Variants in AHCY observed in about 807,000 individuals in gnomAD.
The protein encoded by AHCY is adenosylhomocysteinase.
In AHCY, 24 loss-of-function variants were observed where a neutral mutation model predicts 45.4. The observed-to-expected ratio is 0.53, with a 90% CI of 0.38 to 0.74. AHCY has a LOEUF of 0.74. Ranked by LOEUF, AHCY falls within the 30% of genes least tolerant of loss-of-function variation. AHCY has a pLI of 0.00. For missense variants in AHCY, 449 were observed against 594.1 expected (o/e 0.76, Z 2.54); for synonymous variants, 245 against 235.1 (o/e 1.04, Z -0.39).
upstream of AHCY, among the ~76,000 whole-genome samples, chr20:34,304,882 T>C (rs2036876551): frequency 2.0e-5 from 3 of 151,744 alleles, no homozygotes; most frequent in Admixed American, 2.0e-4. Context: ...GAGACGGGGT[T>C]TCTCCATATT....
At chr20:34,310,211 G>A (rs551575244) in intron 1 of AHCY, among the ~76,000 whole-genome samples, 26 of 152,106 alleles carry the variant, frequency 1.7e-4, no homozygotes, top group Admixed American at 1.1e-3. Context: ...CTGCCACCAC[G>A]CCCAGCTAAT....
the AHCY span, among the ~76,000 whole-genome samples, chr20:34,256,754 T>C: frequency 6.6e-6 from 1 of 152,208 alleles, no homozygotes; most frequent in Non-Finnish European, 1.5e-5. Context: ...AACATGCCTC[T>C]TGTAACTTGC....
the AHCY span, among the ~76,000 whole-genome samples, chr20:34,244,808 T>G: frequency 6.6e-6 from 1 of 152,306 alleles, no homozygotes; most frequent in African/African-American, 2.4e-5. Context: ...ACCAACAGTA[T>G]GTTATTGTGC....
At chr20:34,246,557 C>T in the AHCY span, 405 of 867,410 alleles carry the variant, frequency 4.7e-4, 1 homozygote, top group Middle Eastern at 6.7e-4. Flanking sequence ...CCTCTGCCTC[C>T]GGGCTCAAGC....
chr20:34,246,012 C>A, the AHCY span: 1 of 1,063,498 alleles, frequency 9.4e-7, no homozygotes, highest in South Asian at 1.3e-5. Context: ...GGCCATTTTT[C>A]TGAATGACAT....
At chr20:34,266,064 G>A in the AHCY span, among the ~76,000 whole-genome samples, 1 of 151,950 alleles carries the variant, frequency 6.6e-6, no homozygotes, top group Non-Finnish European at 1.5e-5. Flanking sequence ...TGTGTTAAAA[G>A]GCATAATGGC....
At position 34,290,422 on chromosome 20, in the gene AHCY, G is replaced by C. The variant is rs376464023; in HGVS notation, c.882C>G (p.Ala294=). Residue 294 remains alanine, a synonymous_variant, in exon 8 of 10, where the codon GCC becomes GCG. Transcript: ENST00000217426. This position sits in a 1 kb window ranked among gnomAD's most constrained non-coding sequence, Gnocchi z 4.5. ...GRHFEQMKDD[A]IVCNIGHFDV... is the part of the protein sequence containing the mutation. ...CAAAGTGTCCAATGTTACACACAAT[G>C]GCATCATCCTTCATCTGCTCAAAGT... 255 of 1,614,208 alleles carry C rather than the reference G, an allele frequency of 1.6e-4. 2 individuals are homozygous for C. In the Middle Eastern group the frequency reaches 2.0e-3, roughly 13 times the overall value.
At position 34,295,093 on chromosome 20, in the gene AHCY, C is replaced by T. The variant is rs2036527659; in HGVS notation, c.219+302G>A. 13 of 481,074 alleles carry T rather than the reference C, an allele frequency of 2.7e-5. No individual in the cohort carries two copies. The Admixed American group carries it at 3.9e-4, about 15-fold the overall frequency. 29.8% of individuals were successfully genotyped at this position (481,074 alleles called of 1,614,324 possible). ...GTGACCCCCGAAGGGCCAAGGCAAGCTGGCCCTTAAGAGACTAAGTAGGAC... is the reference window on the plus strand; with the variant it reads ...GTGACCCCCGAAGGGCCAAGGCAAGTTGGCCCTTAAGAGACTAAGTAGGAC... On this transcript the variant is annotated intron_variant, in intron 2 of 9. Transcript: ENST00000217426.
rs531519805 is a variant in AHCY, at chr20:34,299,625, A to G, written c.28+3618T>C. ...TGAACTTGAGACTCGATGTGATCCAACTGCCTCCACAGCACCTCCACTTGG... is the reference window on the plus strand; with the variant it reads ...TGAACTTGAGACTCGATGTGATCCAGCTGCCTCCACAGCACCTCCACTTGG... On this transcript the variant is annotated intron_variant, in intron 1 of 9. Transcript: ENST00000217426. Among the ~76,000 whole-genome samples, 4 of 152,304 alleles carry G rather than the reference A, an allele frequency of 2.6e-5. No homozygotes were observed. In the South Asian group the frequency reaches 8.3e-4, roughly 32 times the overall value.
chr20:34,244,436 C>A, the AHCY span, among the ~76,000 whole-genome samples: 3 of 152,160 alleles, frequency 2.0e-5, no homozygotes, highest in African/African-American at 4.8e-5. Context: ...CCACTCAGAA[C>A]AATGATGATG....
chr20:34,269,960 A>C, the AHCY span, among the ~76,000 whole-genome samples: 3 of 83,992 alleles, frequency 3.6e-5, no homozygotes, highest in African/African-American at 9.3e-5. Context: ...AAAAAAAAAA[A>C]AAAAAAAAAA....
the AHCY span, among the ~76,000 whole-genome samples, chr20:34,247,117 C>G: frequency 6.6e-6 from 1 of 152,124 alleles, no homozygotes; most frequent in South Asian, 2.1e-4. Flanking sequence ...CTCATGCTTT[C>G]AAGTAGCTGG....
chr20:34,290,612 C>T lies in AHCY; in HGVS notation c.793G>A (p.Ala265Thr). Residue 265 changes from alanine to threonine, a missense_variant, in exon 7 of 10, where the codon GCC becomes ACC. Physicochemically the swap from Ala to Thr is moderately conservative, Grantham distance 58. Coordinates refer to ENST00000217426, the MANE Select transcript of AHCY (RefSeq NM_000687.4). The surrounding 1 kb of genome is among the most constrained non-coding windows in gnomAD (Gnocchi z 4.5). ...EGYEVTTMDE[A>T]CQEGNIFVTT... Reference sequence around the variant, plus strand: ...ACAAAGATGTTGCCCTCCTGACAGGCCTCATCCATGGTGGTCACCTCATAG... The same window carrying T: ...ACAAAGATGTTGCCCTCCTGACAGGTCTCATCCATGGTGGTCACCTCATAG... 1 of 1,614,194 alleles carries T rather than the reference C, an allele frequency of 6.2e-7. No individual in the cohort carries two copies. Among genetic ancestry groups the T allele is most frequent in the Admixed American group, 1.7e-5 (1 of 60,026 alleles).
chr20:34,266,862 C>T, the AHCY span, among the ~76,000 whole-genome samples: 1 of 152,168 alleles, frequency 6.6e-6, no homozygotes, highest in Non-Finnish European at 1.5e-5. Flanking sequence ...AACACAGGTT[C>T]CCACTTTGGG....
At chr20:34,262,513 G>A in the AHCY span, among the ~76,000 whole-genome samples, 1 of 152,212 alleles carries the variant, frequency 6.6e-6, no homozygotes, top group Non-Finnish European at 1.5e-5. Flanking sequence ...GGGGCACCTG[G>A]GGTGGCTCTG....
rs2036397825 is a variant in AHCY at position 34,291,602 on chromosome 20, C to T, written c.446-71G>A. ...GCTCATGCAAATTCCTCATCTTTAC[C>T]CCCTAAAGCCATTCCTCTTTCTGGG... On this transcript the variant is annotated intron_variant, in intron 4 of 9. Transcript: ENST00000217426. The T allele has an allele frequency of 6.7e-6, 9 of 1,347,916 alleles. No individual in the cohort carries two copies. The South Asian group carries it at 1.1e-4, about 16-fold the overall frequency. The allele number at this position is 1,347,916 out of a possible 1,614,324, so 83.5% of individuals were successfully genotyped here.
chr20:34,260,559 TG>T, the AHCY span: 1 of 1,586,412 alleles, frequency 6.3e-7, no homozygotes. Context: ...CTCTGGGCTC[TG>T]GCCCAGGAGA....
the AHCY span, among the ~76,000 whole-genome samples, chr20:34,235,296 C>T: frequency 6.6e-6 from 1 of 152,110 alleles, no homozygotes; most frequent in African/African-American, 2.4e-5. Context: ...AAAAATTAGC[C>T]AGGCGAGGTG....
chr20:34,292,746 C>T (rs559868194), intron 3 of AHCY, among the ~76,000 whole-genome samples: 15 of 152,344 alleles, frequency 9.8e-5, no homozygotes, highest in Non-Finnish European at 1.8e-4. Flanking sequence ...CCTCTCTGAG[C>T]CTCAGTCTTC....
Sources: allele counts gnomAD v4.1 joint callset (sites outside exome capture counted in the v4.1 genomes callset), GRCh38; gene constraint gnomAD v4.1.1; non-coding constraint Gnocchi (gnomAD v3.1); transcripts MANE v1.5; gene names NCBI Gene and HGNC (gene_info 2026-07-23, HGNC 2026-07-21).